The following MROH6 variants were observed in gnomAD, a reference collection of about 807,000 sequenced individuals.
The protein encoded by MROH6 is maestro heat-like repeat-containing protein family member 6.
Under a neutral mutation model 67.7 loss-of-function variants are expected in MROH6, and 62 were observed. That is an observed-to-expected ratio of 0.92 (90% CI 0.75 to 1.13). MROH6 has a LOEUF of 1.13. Among genes scored for constraint, MROH6 ranks in the 50% most tolerant of loss-of-function variants. The pLI is 0.00. For missense variants in MROH6, 1,175 were observed against 1,029.1 expected (o/e 1.14, Z -1.94); for synonymous variants, 566 against 470.8 (o/e 1.20, Z -2.62).
chr8:143,570,841 C>CG, intron 4 of MROH6, 36 bp downstream of exon 4: 39 of 900,650 alleles, frequency 4.3e-5, no homozygotes, highest in Non-Finnish European at 6.5e-5. Context: ...CCCCCACCCC[C>CG]GCCCCCACCC....
chr8:143,570,660 G>A lies in MROH6; in HGVS notation c.721-3C>T, dbSNP rs369499090. On this transcript the variant is annotated splice_region_variant and splice_polypyrimidine_tract_variant and intron_variant, in intron 4 of 13. Transcript: ENST00000398882. ...ATCTCCCCAAGAGCACGTGTGGCCTGTGGAGCAAGTGGCCCACTCAGGCCT... is the reference window on the plus strand; with the variant it reads ...ATCTCCCCAAGAGCACGTGTGGCCTATGGAGCAAGTGGCCCACTCAGGCCT... 54 of 1,588,950 alleles carry A rather than the reference G, an allele frequency of 3.4e-5. No homozygotes were observed. The African/African-American group carries it at 6.3e-4, about 18-fold the overall frequency.
chr8:143,570,478 A>T lies in MROH6; in HGVS notation c.900T>A (p.His300Gln). 1.2e-6 allele frequency: 2 copies of T among 1,611,784 alleles called. No individual in the cohort carries two copies. The highest frequency in any genetic ancestry group is 1.7e-6 in the Non-Finnish European group (2 of 1,178,860). ...AACCTGGTGTTGCCTCTCACCTGGCATGGCTATGTGGTGGCCCTCGGTGGG... is the reference window on the plus strand; with the variant it reads ...AACCTGGTGTTGCCTCTCACCTGGCTTGGCTATGTGGTGGCCCTCGGTGGG... ...VLSHRGPPHS[H>Q]ASCAVEALKA... The change falls in exon 5 of 14, where the codon CAT (histidine) becomes CAA (glutamine). Residue 300 changes from histidine to glutamine, a missense_variant. By Grantham distance (24) the His-to-Gln change is conservative. Coordinates refer to ENST00000398882, the MANE Select transcript of MROH6 (RefSeq NM_001100878.2).
chr8:143,567,561 G>A (rs1310270062), intron 13 of MROH6, 50 bp downstream of exon 13: 3 of 1,524,978 alleles, frequency 2.0e-6, no homozygotes, highest in Non-Finnish European at 2.7e-6. Flanking sequence ...CTCCGCCCTA[G>A]CACCAGCCAC....
chr8:143,571,597 GACT>G, intron 3 of MROH6, 67 bp downstream of exon 3: 1 of 1,538,356 alleles, frequency 6.5e-7, no homozygotes, highest in Non-Finnish European at 8.8e-7. Flanking sequence ...TCTGGGGCCA[GACT>G]CCACCGCCAA....
Position 143,566,288 on chromosome 8 carries a change from T to C in MROH6, c.*951A>G, listed in dbSNP as rs959254700. 1 of 152,236 alleles carries C rather than the reference T, an allele frequency of 6.6e-6. No homozygotes were observed. Among genetic ancestry groups the C allele is most frequent in the Non-Finnish European group, 1.5e-5 (1 of 68,054 alleles). The allele number at this position is 152,236 out of a possible 1,614,324, so 9.4% of individuals were successfully genotyped here. A position where few individuals can be genotyped will look rare whatever the true frequency, so the allele number is the denominator to read the frequency against. ...CGCCTGTGCCTGAGGGGCCCCAGTC[T>C]GGGCAAGTGGTCCCAGCCCTTCACA... On this transcript the variant is annotated 3_prime_UTR_variant, in exon 14 of 14. Transcript: ENST00000398882.
intron 9 of MROH6, 64 bp downstream of exon 9, chr8:143,569,377 G>T: frequency 7.7e-7 from 1 of 1,297,976 alleles, no homozygotes; most frequent in South Asian, 1.7e-5. Context: ...GGGAGGGAGA[G>T]ACTGGAAGGG....
intron 3 of MROH6, 93 bp from the exon 4 acceptor site, chr8:143,571,087 G>T: frequency 1.0e-6 from 1 of 999,374 alleles, no homozygotes; most frequent in Non-Finnish European, 1.5e-6. Context: ...GCAGCCAGTA[G>T]GACTCCAGCA....
rs1563919488 is a variant in MROH6, at chr8:143,570,528, CG to C, written c.849del (p.Asp284ThrfsTer25). ...LHKLARSPCS[P>X]DMPKIWVLSH... is the part of the protein sequence containing the mutation. Reference sequence around the variant, plus strand: ...GACAGAACCCAAATCTTGGGCATGTCGGGGGAGCACGGGCTGCGGGCCAGCT... The same window carrying C: ...GACAGAACCCAAATCTTGGGCATGTCGGGGAGCACGGGCTGCGGGCCAGCT... On this transcript the variant is annotated frameshift_variant, in exon 5 of 14. Coordinates refer to ENST00000398882, the MANE Select transcript of MROH6 (RefSeq NM_001100878.2). LOFTEE classifies it high-confidence loss of function. The C allele has an allele frequency of 1.2e-6, 2 of 1,611,994 alleles. No individual in the cohort carries two copies. Among genetic ancestry groups the C allele is most frequent in the African/African-American group, 1.3e-5 (1 of 74,914 alleles).
chr8:143,568,740 A>G, intron 9 of MROH6, 21 bp from the exon 10 acceptor site: 4 of 1,424,034 alleles, frequency 2.8e-6, no homozygotes, highest in Non-Finnish European at 3.7e-6. Flanking sequence ...GGGCGCAGTC[A>G]GGGCAGGCGG....
Position 143,568,210 on chromosome 8 carries a change from G to C in MROH6, c.1696C>G (p.Leu566Val). 6.2e-7 allele frequency: 1 copy of C among 1,611,252 alleles called. No individual in the cohort carries two copies. The highest frequency in any genetic ancestry group is 8.5e-7 in the Non-Finnish European group (1 of 1,179,298). Reference sequence around the variant, plus strand: ...TGGGCCACGGTGACCAACTCCTCCAGCAGGCCCCAGCAAAAGGCGTGGTCA... The same window carrying C: ...TGGGCCACGGTGACCAACTCCTCCACCAGGCCCCAGCAAAAGGCGTGGTCA... ...RCDHAFCWGL[L>V]EELVTVAHYD... Residue 566 changes from leucine (L) to valine (V), a missense_variant, in exon 11 of 14, where the codon CTG (leucine) becomes GTG (valine). Leu to Val is a conservative substitution (Grantham distance 32). Transcript: ENST00000398882.
intron 11 of MROH6, 97 bp downstream of exon 11, chr8:143,568,045 T>C: frequency 6.7e-7 from 1 of 1,495,490 alleles, no homozygotes; most frequent in Non-Finnish European, 9.0e-7. Flanking sequence ...CCTATCTGGT[T>C]TGGCTGCAGT....
intron 3 of MROH6, 62 bp downstream of exon 3, chr8:143,571,605 C>T (rs767778469): frequency 4.1e-4 from 631 of 1,542,592 alleles, no homozygotes; most frequent in Non-Finnish European, 5.0e-4. Flanking sequence ...CAGACTCCAC[C>T]GCCAAGCGGG....
intron 3 of MROH6, 30 bp from the exon 4 acceptor site, chr8:143,571,024 C>A (rs761212688): frequency 1.3e-6 from 2 of 1,537,344 alleles, no homozygotes; most frequent in South Asian, 1.2e-5. Context: ...TGGTGTGAGA[C>A]AAGAGATGGG....
At chr8:143,567,531 C>G (rs376370027) in intron 13 of MROH6, 66 bp from the exon 14 acceptor site, 30 of 1,466,030 alleles carry the variant, frequency 2.0e-5, no homozygotes, top group African/African-American at 1.7e-4. Context: ...CCCTGGCCCT[C>G]CACCCACCGC....
At position 143,571,834 on chromosome 8, in the gene MROH6, G is replaced by T; in HGVS notation, c.448-13C>A. 1 of 1,536,884 alleles carries T rather than the reference G, an allele frequency of 6.5e-7. No homozygotes were observed. On this transcript the variant is annotated splice_polypyrimidine_tract_variant and intron_variant, in intron 2 of 13. Transcript: ENST00000398882. ...CCAGAGCATGCACCTGGTGGGGAAG[G>T]GGGCAGACTTCAGCAGTCAGGCCTC...
In MROH6 at chr8:143,571,821, C is replaced by A; in HGVS notation, c.448G>T (p.Val150Leu). Residue 150 changes from valine (V) to leucine (L), a missense_variant and splice_region_variant, in exon 3 of 14, where the codon GTG (valine) becomes TTG (leucine). Transcript: ENST00000398882. ...AGCAGCCCACGCACCAGAGCATGCA[C>A]CTGGTGGGGAAGGGGGCAGACTTCA... is the stretch of plus-strand genomic sequence containing the variant. Reference protein sequence around the residue: ...EARGERLEDQVHALVRGLLAQ... With the variant: ...EARGERLEDQLHALVRGLLAQ... The A allele has an allele frequency of 6.5e-7, 1 of 1,541,420 alleles. No homozygotes were observed. Among genetic ancestry groups the A allele is most frequent in the Non-Finnish European group, 8.7e-7 (1 of 1,143,980 alleles).
rs1274448847 is a variant in MROH6, at chr8:143,566,225, C to G, written c.*1014G>C. The G allele has an allele frequency of 6.6e-6, 1 of 152,262 alleles. No individual in the cohort carries two copies. Among genetic ancestry groups the G allele is most frequent in the Non-Finnish European group, 1.5e-5 (1 of 68,058 alleles). The allele number at this position is 152,262 out of a possible 1,614,324, so 9.4% of individuals were successfully genotyped here. A position where few individuals can be genotyped will look rare whatever the true frequency, so the allele number is the denominator to read the frequency against. Reference sequence around the variant, plus strand: ...CACGTGTGTTTATTTTAGATGCTTTCTGTGTGGGAGCTGGGGAGACAGGTC... The same window carrying G: ...CACGTGTGTTTATTTTAGATGCTTTGTGTGTGGGAGCTGGGGAGACAGGTC... On this transcript the variant is annotated 3_prime_UTR_variant, in exon 14 of 14. Transcript: ENST00000398882.
At position 143,570,455 on chromosome 8, in the gene MROH6, C is replaced by G; in HGVS notation, c.905+18G>C. The G allele has an allele frequency of 6.2e-7, 1 of 1,608,952 alleles. No homozygotes were observed. Among genetic ancestry groups the G allele is most frequent in the East Asian group, 2.2e-5 (1 of 44,732 alleles). Reference sequence around the variant, plus strand: ...CAGCATGCTGGCCCGCCCCACGTAACCTGGTGTTGCCTCTCACCTGGCATG... The same window carrying G: ...CAGCATGCTGGCCCGCCCCACGTAAGCTGGTGTTGCCTCTCACCTGGCATG... On this transcript the variant is annotated intron_variant, in intron 5 of 13. Transcript: ENST00000398882.
rs1319852148 is a variant in MROH6 at position 143,572,189 on chromosome 8, G to A, written c.295-4C>T. 1.9e-6 allele frequency: 3 copies of A among 1,612,334 alleles called. No individual in the cohort carries two copies. Among genetic ancestry groups the A allele is most frequent in the Non-Finnish European group, 2.5e-6 (3 of 1,179,524 alleles). On this transcript the variant is annotated splice_polypyrimidine_tract_variant and splice_region_variant and intron_variant, in intron 1 of 13. Transcript: ENST00000398882. Reference sequence around the variant, plus strand: ...CCTCCCAGGAACTCTGGGGAACCTAGGGCAGGATGGGTGGGGCGTCTGAAG... The same window carrying A: ...CCTCCCAGGAACTCTGGGGAACCTAAGGCAGGATGGGTGGGGCGTCTGAAG...
Sources: allele counts gnomAD v4.1 joint callset, GRCh38; gene constraint gnomAD v4.1.1; transcripts MANE v1.5; gene names NCBI Gene and HGNC (gene_info 2026-07-23, HGNC 2026-07-21).